Variants in HAO1 observed in about 807,000 individuals in gnomAD.
The protein encoded by HAO1 is 2-Hydroxyacid oxidase 1.
In HAO1, 34 loss-of-function variants were observed where a neutral mutation model predicts 39.7. The ratio of observed to expected loss-of-function variants is 0.86; its 90% CI spans 0.65 to 1.14. The LOEUF (loss-of-function observed/expected upper bound fraction) is 1.14. Among genes scored for constraint, HAO1 ranks in the 50% most tolerant of loss-of-function variants. The pLI is 0.00. For synonymous variants in HAO1, 172 were observed against 173.2 expected (o/e 0.99, Z 0.05); for missense variants, 479 against 464.5 (o/e 1.03, Z -0.29).
chr20:7,935,148 G>A (rs998426683), intron 1 of HAO1, among the ~76,000 whole-genome samples: 1 of 152,100 alleles, frequency 6.6e-6, no homozygotes, highest in South Asian at 2.1e-4. Flanking sequence ...TTAACATAAC[G>A]CATTAGAGAT....
chr20:7,932,174 T>C (rs1412299823), intron 2 of HAO1, among the ~76,000 whole-genome samples: 1 of 152,166 alleles, frequency 6.6e-6, no homozygotes, highest in Non-Finnish European at 1.5e-5. Context: ...AGGTCGTTCC[T>C]TCCCCTTTGC....
rs1458927422 is a variant in HAO1, at chr20:7,895,281, T to C, written c.722-57A>G. The C allele has an allele frequency of 9.4e-6, 10 of 1,062,962 alleles. No homozygotes were observed. The East Asian group carries it at 2.4e-4, about 25-fold the overall frequency. The allele number at this position is 1,062,962 out of a possible 1,614,324, so 65.8% of individuals were successfully genotyped here. ...ACTGTAACTTAACAGGCAGCTTGGG[T>C]TTAGAGGCCTCCACATTCCAGTCAA... On this transcript the variant is annotated intron_variant, in intron 4 of 7. Transcript: ENST00000378789.
chr20:7,913,846 A>T (rs1248911920), intron 3 of HAO1, among the ~76,000 whole-genome samples: 1 of 152,234 alleles, frequency 6.6e-6, no homozygotes, highest in Non-Finnish European at 1.5e-5. Flanking sequence ...TTTGACTTTA[A>T]CAAAGAAATA....
chr20:7,920,306 G>A (rs2050324994), intron 2 of HAO1, among the ~76,000 whole-genome samples: 2 of 152,060 alleles, frequency 1.3e-5, no homozygotes, highest in Non-Finnish European at 2.9e-5. Flanking sequence ...GGCCTCCCCA[G>A]CCATACAGAA....
chr20:7,894,639 A>G (rs2050188755), intron 5 of HAO1, among the ~76,000 whole-genome samples: 1 of 151,264 alleles, frequency 6.6e-6, no homozygotes, highest in African/African-American at 2.4e-5. Context: ...CCTTTTCCCA[A>G]CTCTCCACCA....
At chr20:7,892,119 C>G (rs2050176853) in intron 5 of HAO1, among the ~76,000 whole-genome samples, 3 of 152,170 alleles carry the variant, frequency 2.0e-5, no homozygotes, top group Non-Finnish European at 2.9e-5. Context: ...GAGTCTCACT[C>G]TGTTGCCCAG....
At position 7,913,163 on chromosome 20, in the gene HAO1, G is replaced by GT. The variant is rs1315695112; in HGVS notation, c.545+1000dup. On this transcript the variant is annotated intron_variant, in intron 3 of 7. Coordinates refer to ENST00000378789, the MANE Select transcript of HAO1 (RefSeq NM_017545.3). ...TCTTTTTTCAATTTTGCTAGCCCTAGTTTTTTGTTTTTTTTTTTTTTTCCA... is the reference window on the plus strand; with the variant it reads ...TCTTTTTTCAATTTTGCTAGCCCTAGTTTTTTTGTTTTTTTTTTTTTTTCCA... Among the ~76,000 whole-genome samples, 359 of 116,528 alleles carry GT rather than the reference G, an allele frequency of 3.1e-3. 4 individuals carry two copies. The highest frequency in any genetic ancestry group is 8.8e-3 in the African/African-American group (225 of 25,642). 76.4% of individuals were successfully genotyped at this position (116,528 alleles called of 152,430 possible).
intron 5 of HAO1, among the ~76,000 whole-genome samples, chr20:7,890,306 C>G (rs981069796): frequency 6.6e-6 from 1 of 152,036 alleles, no homozygotes; most frequent in Admixed American, 6.6e-5. Context: ...CTCCATCTCC[C>G]GGGTTCAAGT....
Position 7,927,017 on chromosome 20 carries a change from G to T in HAO1, c.289+7467C>A, listed in dbSNP as rs377198858. Among the ~76,000 whole-genome samples, 16 of 152,118 alleles carry T rather than the reference G, an allele frequency of 1.1e-4. No homozygotes were observed. In the East Asian group the frequency reaches 1.7e-3, roughly 16 times the overall value. ...ACAAGTCAGAAGCAAAAGGATAAAT[G>T]AATATTTAATCCTTCTTTTCTCTTT... On this transcript the variant is annotated intron_variant, in intron 2 of 7. Coordinates refer to ENST00000378789, the MANE Select transcript of HAO1 (RefSeq NM_017545.3).
At chr20:7,917,226 G>A (rs1455390261) in intron 2 of HAO1, among the ~76,000 whole-genome samples, 1 of 151,470 alleles carries the variant, frequency 6.6e-6, no homozygotes, top group Non-Finnish European at 1.5e-5. Context: ...TGTAATCCCA[G>A]CTACTCAGGC....
chr20:7,920,777 A>G (rs1017046590), intron 2 of HAO1, among the ~76,000 whole-genome samples: 5 of 152,142 alleles, frequency 3.3e-5, no homozygotes, highest in African/African-American at 1.2e-4. Flanking sequence ...TCATCTGTCA[A>G]TGGATACTTA....
intron 2 of HAO1, among the ~76,000 whole-genome samples, chr20:7,919,254 C>G (rs2050320479): frequency 6.6e-6 from 1 of 152,198 alleles, no homozygotes; most frequent in Non-Finnish European, 1.5e-5. Context: ...TCCCAGGACT[C>G]TCTTCTCTTA....
At chr20:7,896,310 G>A (rs946153582) in intron 4 of HAO1, among the ~76,000 whole-genome samples, 1 of 152,076 alleles carries the variant, frequency 6.6e-6, no homozygotes, top group Non-Finnish European at 1.5e-5. Flanking sequence ...GCAATACTAA[G>A]CAAAACCAAC....
At chr20:7,925,727 A>T (rs1462365607) in intron 2 of HAO1, among the ~76,000 whole-genome samples, 1 of 152,078 alleles carries the variant, frequency 6.6e-6, no homozygotes, top group Non-Finnish European at 1.5e-5. Context: ...GACTTTTTTC[A>T]CTGTCACATT....
intron 1 of HAO1, among the ~76,000 whole-genome samples, chr20:7,936,307 T>C (rs2050409708): frequency 6.6e-6 from 1 of 152,124 alleles, no homozygotes; most frequent in African/African-American, 2.4e-5. Context: ...TGATCTCCAT[T>C]TTGAAGGGGG....
intron 2 of HAO1, among the ~76,000 whole-genome samples, chr20:7,928,585 T>A (rs2050371573): frequency 1.3e-5 from 2 of 151,580 alleles, no homozygotes; most frequent in South Asian, 4.2e-4. Flanking sequence ...ATGCTCAGTA[T>A]CACACCTAAG....
chr20:7,899,854 T>C (rs534237772), intron 4 of HAO1, among the ~76,000 whole-genome samples: 2 of 152,312 alleles, frequency 1.3e-5, no homozygotes, highest in African/African-American at 4.8e-5. Flanking sequence ...GAGTGTGGCA[T>C]TCCATATTTG....
Position 7,939,527 on chromosome 20 carries a change from CATA to C in HAO1, c.137+756_137+758del, listed in dbSNP as rs200544987. On this transcript the variant is annotated intron_variant, in intron 1 of 7. Coordinates refer to ENST00000378789, the MANE Select transcript of HAO1 (RefSeq NM_017545.3). ...AATACCGATTGCCTTTACTAACAGC[CATA>C]ATGTTAGATGGATGAGACTGAGTGT... Among the ~76,000 whole-genome samples the C allele has an allele frequency of 2.3e-3, 357 of 152,204 alleles. 9 individuals are homozygous for C. The East Asian group carries it at 0.063, about 27-fold the overall frequency.
chr20:7,889,171 G>T (rs1315315572), intron 5 of HAO1, among the ~76,000 whole-genome samples: 1 of 151,624 alleles, frequency 6.6e-6, no homozygotes, highest in Admixed American at 6.6e-5. Context: ...TCTCAAAGAT[G>T]GAATTGCATG....
Sources: gnomAD v4.1 joint callset for allele counts (sites outside exome capture counted in the v4.1 genomes callset) on GRCh38, gnomAD v4.1.1 for gene constraint, MANE v1.5 for transcripts, NCBI Gene and HGNC (gene_info 2026-07-23, HGNC 2026-07-21) for gene names.